CDK10: variants seen among roughly 807,000 people sequenced by gnomAD.
The protein encoded by CDK10 is cyclin dependent kinase 10.
CDK10 carries 55 observed loss-of-function variants against 51.0 expected under a neutral mutation model. That is an observed-to-expected ratio of 1.08 (90% CI 0.87 to 1.35). The LOEUF (loss-of-function observed/expected upper bound fraction) is 1.35, where lower values mean the gene tolerates loss of function less well. CDK10 is among the 40% of genes most tolerant of loss of function. The pLI is 0.00. For missense variants in CDK10, 589 were observed against 485.1 expected (o/e 1.21, Z -2.01); for synonymous variants, 255 against 199.1 (o/e 1.28, Z -2.36).
At chr16:89,695,371 C>G in intron 12 of CDK10, 26 bp downstream of exon 12, 1 of 1,605,750 alleles carries the variant, frequency 6.2e-7, no homozygotes, top group Non-Finnish European at 8.5e-7. Flanking sequence ...TCCTGACTCG[C>G]TCTGTGGGGT....
At position 89,686,741 on chromosome 16, in the gene CDK10, A is replaced by G; in HGVS notation, c.31A>G (p.Ile11Val). 3 of 1,611,692 alleles carry G rather than the reference A, an allele frequency of 1.9e-6. No individual in the cohort carries two copies. Among genetic ancestry groups the G allele is most frequent in the East Asian group, 2.2e-5 (1 of 44,756 alleles). Residue 11 changes from isoleucine (I) to valine (V), a missense_variant, in exon 1 of 13, where the codon ATC becomes GTC. Coordinates refer to ENST00000353379, the MANE Select transcript of CDK10 (RefSeq NM_052988.5). ...GGAGCCAGATCTGGAGTGCGAGCAG[A>G]TCCGTCTGAAGTGTATTCGTAAGGA... MAEPDLECEQ[I>V]RLKCIRKEGF...
chr16:89,691,696 G>A (rs1420790158), intron 4 of CDK10, 110 bp from the exon 5 acceptor site: 1 of 1,287,366 alleles, frequency 7.8e-7, no homozygotes, highest in African/African-American at 1.5e-5. Context: ...CCCATTGTCT[G>A]AGGGGGACAC....
intron 8 of CDK10, chr16:89,693,788 C>G: frequency 1.8e-6 from 1 of 546,558 alleles, no homozygotes; most frequent in South Asian, 2.1e-5. Context: ...AGCTTGCATG[C>G]TTTCCCTGGT....
At chr16:89,694,361 C>G (rs768266596) in intron 9 of CDK10, 129 bp downstream of exon 9, 1 of 1,028,826 alleles carries the variant, frequency 9.7e-7, no homozygotes, top group African/African-American at 1.6e-5. Flanking sequence ...GCCTCCCACT[C>G]CCAGGGAGGT....
At chr16:89,686,920 C>A in intron 1 of CDK10, 123 bp downstream of exon 1, 1 of 778,224 alleles carries the variant, frequency 1.3e-6, no homozygotes, top group East Asian at 3.2e-5. Flanking sequence ...AACGACAGTC[C>A]CAGAGTTCCC....
chr16:89,688,758 A>G (rs1003708783), intron 1 of CDK10, among the ~76,000 whole-genome samples: 1 of 152,116 alleles, frequency 6.6e-6, no homozygotes, highest in Non-Finnish European at 1.5e-5. Flanking sequence ...CGCCTCTGAT[A>G]TTTCTTTCAA....
intron 2 of CDK10, chr16:89,690,013 T>A (rs1470921613): frequency 1.9e-5 from 3 of 156,694 alleles, no homozygotes; most frequent in Non-Finnish European, 4.2e-5. Flanking sequence ...TGCAGTGAGC[T>A]GTGATCACGC....
In CDK10 at chr16:89,695,079, C is replaced by G. The variant is rs951388744; in HGVS notation, c.932+9C>G. The G allele has an allele frequency of 3.7e-6, 6 of 1,610,492 alleles. No individual in the cohort carries two copies. Among genetic ancestry groups the G allele is most frequent in the Non-Finnish European group, 5.1e-6 (6 of 1,178,876 alleles). The stretch of plus-strand genomic sequence containing the variant: ...TACGACCCTAAGAAAAGGTGCTGAT[C>G]TCTGCACGGGGGGCAGGGACCCTCA... On this transcript the variant is annotated intron_variant, in intron 11 of 12. Coordinates refer to ENST00000353379, the MANE Select transcript of CDK10 (RefSeq NM_052988.5).
At chr16:89,695,471 C>A in intron 12 of CDK10, 124 bp from the exon 13 acceptor site, 3 of 1,461,494 alleles carry the variant, frequency 2.1e-6, no homozygotes, top group Non-Finnish European at 2.8e-6. Flanking sequence ...GGTAAGAGGA[C>A]AGGGGCATGT....
chr16:89,691,592 C>G, intron 4 of CDK10, 47 bp downstream of exon 4: 4 of 1,512,024 alleles, frequency 2.6e-6, no homozygotes, highest in Non-Finnish European at 3.7e-6. Context: ...GAGCATGTGT[C>G]TTGGGCTAGA....
intron 2 of CDK10, chr16:89,690,220 C>T: frequency 6.1e-6 from 2 of 330,070 alleles, no homozygotes; most frequent in Non-Finnish European, 5.6e-6. Context: ...ACCTTATTTG[C>T]TTTTAGGACA....
intron 6 of CDK10, 81 bp from the exon 7 acceptor site, chr16:89,693,193 T>A: frequency 8.2e-7 from 1 of 1,223,722 alleles, no homozygotes; most frequent in South Asian, 1.2e-5. Context: ...GTGCAGGAAG[T>A]CTACGGGCAT....
At position 89,694,205 on chromosome 16, in the gene CDK10, C is replaced by T. The variant is rs745912573; in HGVS notation, c.641C>T (p.Thr214Ile). Residue 214 changes from threonine to isoleucine, a missense_variant, in exon 9 of 13, where the codon ACC becomes ATC. Thr to Ile is a moderately conservative substitution (Grantham distance 89). Coordinates refer to ENST00000353379, the MANE Select transcript of CDK10 (RefSeq NM_052988.5). Reference protein sequence around the residue: ...YRAPELLLGTTTQTTSIDMWA... With the variant: ...YRAPELLLGTITQTTSIDMWA... ...GCCCCTGAACTGCTGTTGGGAACCA[C>T]CACGCAGACCACCAGCATCGACATG... 6.2e-7 allele frequency: 1 copy of T among 1,614,048 alleles called. No individual in the cohort carries two copies. The highest frequency in any genetic ancestry group is 8.5e-7 in the Non-Finnish European group (1 of 1,179,998).
rs1312055159 is a variant in CDK10, at chr16:89,695,845, C to T, written c.*153C>T. The stretch of plus-strand genomic sequence containing the variant: ...TCCACTGACTTCCTCCCACTGTCTG[C>T]CCTGAACCCACTGCTGCCCCCAGAA... On this transcript the variant is annotated 3_prime_UTR_variant, in exon 13 of 13. Coordinates refer to ENST00000353379, the MANE Select transcript of CDK10 (RefSeq NM_052988.5). 6 of 1,510,008 alleles carry T rather than the reference C, an allele frequency of 4.0e-6. No homozygotes were observed. The East Asian group carries it at 1.2e-4, about 31-fold the overall frequency. The allele number at this position is 1,510,008 out of a possible 1,614,324, so 93.5% of individuals were successfully genotyped here. A position where few individuals can be genotyped will look rare whatever the true frequency, so the allele number is the denominator to read the frequency against.
In CDK10 at chr16:89,695,051, A is replaced by G. The variant is rs201380446; in HGVS notation, c.913A>G (p.Met305Val). The G allele has an allele frequency of 3.7e-6, 6 of 1,613,026 alleles. No homozygotes were observed. In the African/African-American group the frequency reaches 6.7e-5, roughly 18 times the overall value. The change falls in exon 11 of 13, where the codon ATG (methionine) becomes GTG (valine). Residue 305 changes from methionine to valine, a missense_variant. By Grantham distance (21) the Met-to-Val change is conservative. Coordinates refer to ENST00000353379, the MANE Select transcript of CDK10 (RefSeq NM_052988.5). Reference protein sequence around the residue: ...AGLRLLHFLFMYDPKKRATAG... With the variant: ...AGLRLLHFLFVYDPKKRATAG... ...GCTGCGCCTGCTGCACTTCCTGTTC[A>G]TGTACGACCCTAAGAAAAGGTGCTG...
intron 1 of CDK10, 125 bp from the exon 2 acceptor site, chr16:89,689,127 G>C (rs532810155): frequency 1.7e-5 from 14 of 807,762 alleles, no homozygotes; most frequent in Middle Eastern, 2.3e-4. Flanking sequence ...GCCCAAACGT[G>C]TGGTTGCCTT....
chr16:89,694,577 A>G (rs1451402579), intron 9 of CDK10, 88 bp from the exon 10 acceptor site: 2 of 1,538,520 alleles, frequency 1.3e-6, no homozygotes, highest in East Asian at 2.4e-5. Context: ...AGGGTCAGCA[A>G]AGGTCTGGCT....
Position 89,690,613 on chromosome 16 carries a change from A to G in CDK10, c.221A>G (p.Lys74Arg). The change falls in exon 3 of 13, where the codon AAG becomes AGG. Residue 74 changes from lysine (K) to arginine (R), a missense_variant. By Grantham distance (26) the Lys-to-Arg change is conservative (BLOSUM62 2). Transcript: ENST00000353379. ...GCACTGAAGAAGGTGCGGATGGACA[A>G]GGAGAAGGATGGTGAGCAGGAAATT... Reference protein sequence around the residue: ...IVALKKVRMDKEKDGIPISSL... With the variant: ...IVALKKVRMDREKDGIPISSL... 6.2e-7 allele frequency: 1 copy of G among 1,614,030 alleles called. No homozygotes were observed. The highest frequency in any genetic ancestry group is 8.5e-7 in the Non-Finnish European group (1 of 1,179,908).
chr16:89,690,429 G>T (rs968326659), intron 2 of CDK10, 124 bp from the exon 3 acceptor site: 4 of 771,836 alleles, frequency 5.2e-6, no homozygotes, highest in African/African-American at 3.4e-5. Flanking sequence ...GAGTGTCACT[G>T]GGCATGAGGT....
Sources: allele counts gnomAD v4.1 joint callset (sites outside exome capture counted in the v4.1 genomes callset), GRCh38; gene constraint gnomAD v4.1.1; transcripts MANE v1.5; gene names NCBI Gene and HGNC (gene_info 2026-07-23, HGNC 2026-07-21).